NME7: variants seen among roughly 807,000 people sequenced by gnomAD.
NME7 encodes the protein nucleoside diphosphate kinase 7.
A neutral mutation model predicts 49.1 loss-of-function variants in NME7; 41 were observed. The observed-to-expected ratio is 0.83, with a 90% CI of 0.65 to 1.08. The LOEUF (loss-of-function observed/expected upper bound fraction) is 1.08, where lower values mean the gene tolerates loss of function less well. Among genes scored for constraint, NME7 ranks in the 50% least tolerant of loss-of-function variants. The pLI, the probability that NME7 is intolerant of heterozygous loss-of-function variation, is 0.00. For synonymous variants in NME7, 139 were observed against 150.6 expected (o/e 0.92, Z 0.56); for missense variants, 423 against 463.4 (o/e 0.91, Z 0.80).
intron 7 of NME7, among the ~76,000 whole-genome samples, chr1:169,239,393 T>C (rs1647992015): frequency 6.6e-6 from 1 of 151,922 alleles, no homozygotes; most frequent in Non-Finnish European, 1.5e-5. Flanking sequence ...AGTATGAAGA[T>C]GAAAGAAGGA....
chr1:169,351,024 T>C (rs1376357322), intron 1 of NME7, among the ~76,000 whole-genome samples: 3 of 151,848 alleles, frequency 2.0e-5, no homozygotes, highest in Admixed American at 1.3e-4. Flanking sequence ...TCTTAACCTA[T>C]AGTAAGAACC....
At chr1:169,340,635 T>C (rs886844235) in intron 1 of NME7, among the ~76,000 whole-genome samples, 2 of 152,220 alleles carry the variant, frequency 1.3e-5, no homozygotes, top group Admixed American at 6.5e-5. Flanking sequence ...AATTGTTGAA[T>C]GGTTTTGACC....
At chr1:169,246,292 C>T (rs1335210855) in intron 7 of NME7, among the ~76,000 whole-genome samples, 4 of 151,968 alleles carry the variant, frequency 2.6e-5, no homozygotes, top group East Asian at 1.9e-4. Flanking sequence ...GGTGACAGAG[C>T]GAGACCGTGT....
intron 10 of NME7, among the ~76,000 whole-genome samples, chr1:169,209,678 A>G (rs10800413): frequency 0.31 from 46,634 of 151,874 alleles, 7,739 homozygotes; most frequent in Non-Finnish European, 0.39. Context: ...CTTTATTTAA[A>G]TTTTCCATGG....
intron 3 of NME7, among the ~76,000 whole-genome samples, chr1:169,318,756 T>C (rs1189365611): frequency 6.6e-6 from 1 of 151,800 alleles, no homozygotes; most frequent in Non-Finnish European, 1.5e-5. Flanking sequence ...TAGAATCCCC[T>C]GGGAGAGTAT....
intron 1 of NME7, among the ~76,000 whole-genome samples, chr1:169,350,222 A>AAAAGAAAG: frequency 9.4e-6 from 1 of 105,826 alleles, no homozygotes; most frequent in African/African-American, 3.9e-5. Flanking sequence ...AGAAAGGGAG[A>AAAAGAAAG]AAAGAAAGAA....
intron 10 of NME7, among the ~76,000 whole-genome samples, chr1:169,188,709 A>T (rs1476652976): frequency 6.6e-6 from 1 of 152,216 alleles, no homozygotes; most frequent in Non-Finnish European, 1.5e-5. Flanking sequence ...CACAACAAAC[A>T]CATCTTTTCC....
intron 10 of NME7, among the ~76,000 whole-genome samples, chr1:169,183,810 AG>A (rs1196164933): frequency 6.6e-6 from 1 of 152,118 alleles, no homozygotes; most frequent in East Asian, 1.9e-4. Context: ...TCAGAAAAAA[AG>A]AAAAAAAAAA....
Position 169,262,997 on chromosome 1 carries a change from C to A in NME7, c.754+24306G>T, listed in dbSNP as rs531442200. Among the ~76,000 whole-genome samples the A allele has an allele frequency of 3.8e-4, 50 of 132,932 alleles. 10 individuals carry two copies. The highest frequency in any genetic ancestry group is 5.7e-4 in the Non-Finnish European group (32 of 56,630). 87.2% of individuals were successfully genotyped at this position (132,932 alleles called of 152,430 possible). On this transcript the variant is annotated intron_variant, in intron 7 of 11. Coordinates refer to ENST00000367811, the MANE Select transcript of NME7 (RefSeq NM_013330.5). ...AGGCAGTAATAACTGGGGCCTCCTG[C>A]AAGACCCAGGAGCAGACTAGAATTG...
intron 1 of NME7, among the ~76,000 whole-genome samples, chr1:169,325,963 T>C (rs929717064): frequency 6.6e-6 from 1 of 152,088 alleles, no homozygotes; most frequent in Non-Finnish European, 1.5e-5. Context: ...TAGGTTTCAC[T>C]GTGCATTCTA....
intron 1 of NME7, among the ~76,000 whole-genome samples, chr1:169,365,253 A>G (rs1267813624): frequency 6.6e-6 from 1 of 152,052 alleles, no homozygotes; most frequent in Non-Finnish European, 1.5e-5. Flanking sequence ...GAAAACCACA[A>G]CTTCCAAGCT....
At chr1:169,347,178 C>T (rs549199015) in intron 1 of NME7, among the ~76,000 whole-genome samples, 5 of 152,066 alleles carry the variant, frequency 3.3e-5, no homozygotes, top group Non-Finnish European at 5.9e-5. Context: ...CCAGCCTGAC[C>T]GACACAGTGA....
At chr1:169,274,917 T>C (rs1649641038) in intron 7 of NME7, among the ~76,000 whole-genome samples, 1 of 133,510 alleles carries the variant, frequency 7.5e-6, no homozygotes, top group Admixed American at 7.4e-5. Flanking sequence ...TCCAGCTTTG[T>C]TCTTTTGGCT....
At chr1:169,231,591 G>T (rs577400958) in intron 9 of NME7, among the ~76,000 whole-genome samples, 1 of 152,322 alleles carries the variant, frequency 6.6e-6, no homozygotes, top group African/African-American at 2.4e-5. Flanking sequence ...TCTGTCACAT[G>T]TGTACAGCAA....
At chr1:169,139,376 T>C (rs532990687) in intron 11 of NME7, among the ~76,000 whole-genome samples, 127 of 152,330 alleles carry the variant, frequency 8.3e-4, no homozygotes, top group Non-Finnish European at 1.4e-3. Context: ...AGCTAATAAT[T>C]TGCCTAAAGA....
chr1:169,146,893 A>G (rs1260594394), intron 11 of NME7, among the ~76,000 whole-genome samples: 4 of 152,240 alleles, frequency 2.6e-5, no homozygotes, highest in Non-Finnish European at 5.9e-5. Context: ...AGGAGAAAGT[A>G]CTTGTGATTT....
In NME7 at chr1:169,307,610, A is replaced by C. The variant is rs1464064898; in HGVS notation, c.389+2360T>G. Among the ~76,000 whole-genome samples the C allele has an allele frequency of 2.0e-5, 3 of 152,212 alleles. No individual in the cohort carries two copies. The East Asian group carries it at 5.8e-4, about 29-fold the overall frequency. On this transcript the variant is annotated intron_variant, in intron 4 of 11. Coordinates refer to ENST00000367811, the MANE Select transcript of NME7 (RefSeq NM_013330.5). ...CATGTGCTATAGGGCCATTATGATA[A>C]ACAAGTAGCATCTTTACCACAGGAA...
At chr1:169,180,507 G>A (rs892998815) in intron 10 of NME7, among the ~76,000 whole-genome samples, 67 of 152,252 alleles carry the variant, frequency 4.4e-4, no homozygotes, top group African/African-American at 1.6e-3. Context: ...TCTCTTTAAA[G>A]GTTAATTTCC....
chr1:169,312,546 A>T (rs569518338), intron 3 of NME7, among the ~76,000 whole-genome samples: 20 of 152,216 alleles, frequency 1.3e-4, no homozygotes, highest in Non-Finnish European at 2.6e-4. Flanking sequence ...CTTCTTAGCA[A>T]TACACGGTAA....
Sources: gnomAD v4.1 joint callset for allele counts (sites outside exome capture counted in the v4.1 genomes callset) on GRCh38, gnomAD v4.1.1 for gene constraint, MANE v1.5 for transcripts, NCBI Gene and HGNC (gene_info 2026-07-23, HGNC 2026-07-21) for gene names.